USP8: variants seen among roughly 807,000 people sequenced by gnomAD.
The protein encoded by USP8 is ubiquitin specific peptidase 8.
In USP8, 27 loss-of-function variants were observed where a neutral mutation model predicts 130.0. The ratio of observed to expected loss-of-function variants is 0.21; its 90% CI spans 0.15 to 0.29. The LOEUF is 0.29. USP8 is among the 10% of genes least tolerant of loss of function. USP8 has a pLI of 1.00. For missense variants in USP8, 1,029 were observed against 1,312.2 expected (o/e 0.78, Z 3.33); for synonymous variants, 392 against 444.1 (o/e 0.88, Z 1.48).
At chr15:50,467,134 A>C in intron 7 of USP8, 1 of 328,566 alleles carries the variant, frequency 3.0e-6, no homozygotes, top group Non-Finnish European at 5.7e-6. Flanking sequence ...ACTGGTTGTT[A>C]AAAATATATA....
chr15:50,459,995 C>A lies in USP8; in HGVS notation c.498+833C>A, dbSNP rs865883780. ...TCTCCCCCAGTTCCCCCACCCCCCCCCTTTTTTTTTTTTTTTTTTGAGACA... is the reference window on the plus strand; with the variant it reads ...TCTCCCCCAGTTCCCCCACCCCCCCACTTTTTTTTTTTTTTTTTTGAGACA... On this transcript the variant is annotated intron_variant, in intron 5 of 19. Coordinates refer to ENST00000307179, the MANE Select transcript of USP8 (RefSeq NM_005154.5). 7.4e-4 allele frequency among the ~76,000 whole-genome samples: 56 copies of A among 75,846 alleles called. 1 individual carries two copies. The highest frequency in any genetic ancestry group is 1.1e-3 in the South Asian group (2 of 1,850). 49.8% of individuals were successfully genotyped at this position (75,846 alleles called of 152,430 possible).
intron 3 of USP8, among the ~76,000 whole-genome samples, chr15:50,443,065 G>T (rs1481703955): frequency 6.6e-6 from 1 of 152,096 alleles, no homozygotes; most frequent in Admixed American, 6.6e-5. Flanking sequence ...CTTTGAGAGA[G>T]TCTCGCCCTG....
rs888662489 is a variant in USP8, at chr15:50,468,521, G to A, written c.687-3112G>A. Among the ~76,000 whole-genome samples, 3 of 152,178 alleles carry A rather than the reference G, an allele frequency of 2.0e-5. No individual in the cohort carries two copies. In the South Asian group the frequency reaches 6.2e-4, roughly 32 times the overall value. On this transcript the variant is annotated intron_variant, in intron 7 of 19. Transcript: ENST00000307179. ...GCTTCCCAAAGTGCTGGGATTACAG[G>A]TGTGAGCCACGGTGCCCAGCCTATT...
intron 8 of USP8, among the ~76,000 whole-genome samples, chr15:50,474,575 T>C (rs1041702861): frequency 1.3e-5 from 2 of 152,160 alleles, no homozygotes; most frequent in Non-Finnish European, 2.9e-5. Context: ...GAATGATTAG[T>C]GTATGATAAA....
In USP8 at chr15:50,501,626, A is replaced by G. The variant is rs949653084; in HGVS notation, c.*2538A>G. 1 of 151,908 alleles carries G rather than the reference A, an allele frequency of 6.6e-6. No individual in the cohort carries two copies. The highest frequency in any genetic ancestry group is 1.5e-5 in the Non-Finnish European group (1 of 67,966). 9.4% of individuals were successfully genotyped at this position (151,908 alleles called of 1,614,324 possible). A position where few individuals can be genotyped will look rare whatever the true frequency, so the allele number is the denominator to read the frequency against. ...GGGGCTATGTAGCAACAACCCCTCA[A>G]TCCCCCATAGGGTACAAAAAATAAT... is the stretch of plus-strand genomic sequence containing the variant. On this transcript the variant is annotated 3_prime_UTR_variant, in exon 20 of 20. Coordinates refer to ENST00000307179, the MANE Select transcript of USP8 (RefSeq NM_005154.5).
rs1566896113 is a variant in USP8 at position 50,499,111 on chromosome 15, T to C, written c.*23T>C. On this transcript the variant is annotated 3_prime_UTR_variant, in exon 20 of 20. Coordinates refer to ENST00000307179, the MANE Select transcript of USP8 (RefSeq NM_005154.5). ...TAAGGAGACATAGGTTATAAACTAG[T>C]TATCTTTTAAAAGGCTCAGCAACAC... is the stretch of plus-strand genomic sequence containing the variant. The C allele has an allele frequency of 1.3e-6, 2 of 1,557,510 alleles. No homozygotes were observed. The highest frequency in any genetic ancestry group is 2.3e-5 in the East Asian group (1 of 44,204).
rs1351602021 is a variant in USP8, at chr15:50,509,128, G to A, written c.*10040G>A. The A allele has an allele frequency of 8.4e-5, 4 of 47,338 alleles. No individual in the cohort carries two copies. The East Asian group carries it at 2.7e-3, about 32-fold the overall frequency. 2.9% of individuals were successfully genotyped at this position (47,338 alleles called of 1,614,324 possible). A position where few individuals can be genotyped will look rare whatever the true frequency, so the allele number is the denominator to read the frequency against. On this transcript the variant is annotated 3_prime_UTR_variant, in exon 20 of 20. Transcript: ENST00000307179. ...AGCCTGGGCGACAGAGCGAGACTCC[G>A]TCACAAAAAAAAAAAAAAAAAAAAA...
At chr15:50,433,704 C>T (rs374361602) in intron 1 of USP8, among the ~76,000 whole-genome samples, 211 of 152,254 alleles carry the variant, frequency 1.4e-3, no homozygotes, top group African/African-American at 4.8e-3. Context: ...CTCCCAGGTT[C>T]GTGCCATTCT....
At chr15:50,461,462 A>C (rs77884177) in intron 5 of USP8, among the ~76,000 whole-genome samples, 1 of 151,730 alleles carries the variant, frequency 6.6e-6, no homozygotes, top group Non-Finnish European at 1.5e-5. Flanking sequence ...TCTCCAAAAA[A>C]AAAAAAAAAA....
At position 50,459,020 on chromosome 15, in the gene USP8, G is replaced by T. The variant is rs375156642; in HGVS notation, c.356G>T (p.Arg119Leu). ...ACTAGATATGAAGAAGCTGAAGTCC[G>T]GAAAAAACTTGAGGAAAAAGACAGG... ...LKLRYEEAEVRKKLEEKDRQE... is the reference protein window; with the variant it reads ...LKLRYEEAEVLKKLEEKDRQE... The change falls in exon 5 of 20, where the codon CGG (arginine) becomes CTG (leucine). Residue 119 changes from arginine (R) to leucine (L), a missense_variant. Physicochemically the swap from Arg to Leu is moderately radical, Grantham distance 102 (BLOSUM62 -2). This residue lies in a region of USP8 where 281 missense variants were observed against 336.7 expected (regional missense o/e 0.83). Transcript: ENST00000307179. 5 of 1,613,178 alleles carry T rather than the reference G, an allele frequency of 3.1e-6. No individual in the cohort carries two copies. The East Asian group carries it at 6.7e-5, about 22-fold the overall frequency.
At chr15:50,475,540 C>CAT (rs949678164) in intron 8 of USP8, among the ~76,000 whole-genome samples, 4 of 151,094 alleles carry the variant, frequency 2.6e-5, no homozygotes, top group East Asian at 1.9e-4. Flanking sequence ...TAAAGAAATA[C>CAT]ATATATATAC....
At chr15:50,459,326 G>A (rs2050902313) in intron 5 of USP8, among the ~76,000 whole-genome samples, 164 bp downstream of exon 5, 2 of 152,214 alleles carry the variant, frequency 1.3e-5, no homozygotes, top group South Asian at 2.1e-4. Context: ...GCTCACGCCT[G>A]TAATCCCAGC....
chr15:50,437,756 G>A (rs1043126384), intron 1 of USP8, among the ~76,000 whole-genome samples: 9 of 152,194 alleles, frequency 5.9e-5, no homozygotes, highest in Non-Finnish European at 1.3e-4. Flanking sequence ...TAGATACCTC[G>A]CTAGAAGGAC....
chr15:50,479,606 TC>T (rs1309794713), intron 10 of USP8, among the ~76,000 whole-genome samples: 2 of 152,158 alleles, frequency 1.3e-5, no homozygotes, highest in Non-Finnish European at 2.9e-5. Flanking sequence ...TTGTTTCTGT[TC>T]CACCTCTTAT....
Position 50,498,653 on chromosome 15 carries a change from A to G in USP8, c.3096A>G (p.Leu1032=). 3 of 1,613,228 alleles carry G rather than the reference A, an allele frequency of 1.9e-6. No homozygotes were observed. Among genetic ancestry groups the G allele is most frequent in the Non-Finnish European group, 2.5e-6 (3 of 1,179,664 alleles). Residue 1032 remains leucine (L), a synonymous_variant, in exon 19 of 20, where the codon TTA becomes TTG. Coordinates refer to ENST00000307179, the MANE Select transcript of USP8 (RefSeq NM_005154.5). The part of the protein sequence containing the change: ...QKLQTSVDFP[L]ENLDLSQYVI... ...TACAGACATCTGTGGACTTCCCGTT[A>G]GAAAATCTTGACTTGTCACAGTATG...
At chr15:50,443,433 G>T (rs1294319706) in intron 3 of USP8, among the ~76,000 whole-genome samples, 1 of 151,992 alleles carries the variant, frequency 6.6e-6, no homozygotes, top group South Asian at 2.1e-4. Flanking sequence ...ATCATTGCTG[G>T]TATTTCTTCT....
chr15:50,431,165 C>CTGTGTGTGTG lies in USP8; in HGVS notation c.-66+6667_-66+6676dup, dbSNP rs56771450. 2.0e-3 allele frequency among the ~76,000 whole-genome samples: 278 copies of CTGTGTGTGTG among 140,970 alleles called. 2 individuals carry two copies. Among genetic ancestry groups the CTGTGTGTGTG allele is most frequent in the East Asian group, 0.018 (85 of 4,834 alleles). 92.5% of individuals were successfully genotyped at this position (140,970 alleles called of 152,430 possible). On this transcript the variant is annotated intron_variant, in intron 1 of 19. Transcript: ENST00000307179. ...TTTGCAGGGTACAGTGTGTGTGCCT[C>CTGTGTGTGTG]TGTGTGTGTGTGTGTGTGTGTGTGT...
chr15:50,476,285 T>C (rs2051564870), intron 8 of USP8, among the ~76,000 whole-genome samples: 1 of 152,132 alleles, frequency 6.6e-6, no homozygotes, highest in African/African-American at 2.4e-5. Context: ...AAAAATTAGC[T>C]GGCCGTGTTG....
intron 3 of USP8, among the ~76,000 whole-genome samples, chr15:50,447,360 C>T (rs1162801761): frequency 6.6e-6 from 1 of 152,180 alleles, no homozygotes; most frequent in East Asian, 1.9e-4. Context: ...CTTGCCTCAG[C>T]CTTCCAAGTT....
Sources: allele counts gnomAD v4.1 joint callset (sites outside exome capture counted in the v4.1 genomes callset), GRCh38; gene constraint gnomAD v4.1.1; regional missense constraint gnomAD v4.1.1; transcripts MANE v1.5; gene names NCBI Gene and HGNC (gene_info 2026-07-23, HGNC 2026-07-21).